Variants in CPEB2 observed in about 807,000 individuals in gnomAD.
The protein encoded by CPEB2 is cytoplasmic polyadenylation element-binding protein 2.
Under a neutral mutation model 93.6 loss-of-function variants are expected in CPEB2, and 56 were observed. The ratio of observed to expected loss-of-function variants is 0.60; its 90% CI spans 0.48 to 0.75. CPEB2 has a LOEUF of 0.75. CPEB2 is among the 30% of genes least tolerant of loss of function. The pLI is 0.00. For synonymous variants in CPEB2, 764 were observed against 586.3 expected (o/e 1.30, Z -4.38); for missense variants, 1,579 against 1,395.1 (o/e 1.13, Z -2.10).
intron 5 of CPEB2, among the ~76,000 whole-genome samples, chr4:15,034,156 G>T (rs1318853392): frequency 6.6e-6 from 1 of 152,180 alleles, no homozygotes; most frequent in Non-Finnish European, 1.5e-5. Flanking sequence ...AGCATTAGAT[G>T]AGGTGATTGA....
intron 5 of CPEB2, among the ~76,000 whole-genome samples, chr4:15,037,550 A>G (rs1726739883): frequency 6.6e-6 from 1 of 152,146 alleles, no homozygotes; most frequent in Admixed American, 6.5e-5. Context: ...TATTAGAATC[A>G]TCCTGTTTTT....
intron 6 of CPEB2, among the ~76,000 whole-genome samples, chr4:15,044,809 C>T (rs1414112326): frequency 1.3e-5 from 2 of 152,298 alleles, no homozygotes; most frequent in Non-Finnish European, 2.9e-5. Context: ...CTCTAACATA[C>T]ATGGATGTGT....
intron 6 of CPEB2, among the ~76,000 whole-genome samples, chr4:15,047,552 T>C (rs1022148055): frequency 7.9e-5 from 12 of 152,160 alleles, no homozygotes; most frequent in African/African-American, 2.7e-4. Context: ...TTTCCCAGTT[T>C]ATTACTAGCA....
chr4:15,051,928 C>T (rs1354448521), intron 6 of CPEB2, among the ~76,000 whole-genome samples: 1 of 152,212 alleles, frequency 6.6e-6, no homozygotes, highest in Non-Finnish European at 1.5e-5. Context: ...GTAATTGGCA[C>T]ACGTGTAATA....
Position 15,066,508 on chromosome 4 carries a change from C to G in CPEB2, c.*128C>G. ...TTTTCACCCCAGCTATCAATACATG[C>G]ATCTTTATCAGCAGCCAAAACACTA... On this transcript the variant is annotated 3_prime_UTR_variant, in exon 12 of 12. Coordinates refer to ENST00000538197, the MANE Select transcript of CPEB2 (RefSeq NM_001177382.2). 1 of 666,086 alleles carries G rather than the reference C, an allele frequency of 1.5e-6. No homozygotes were observed. Among genetic ancestry groups the G allele is most frequent in the South Asian group, 1.9e-5 (1 of 52,948 alleles). 41.3% of individuals were successfully genotyped at this position (666,086 alleles called of 1,614,324 possible).
chr4:15,010,091 A>C lies in CPEB2; in HGVS notation c.2034+1664A>C, dbSNP rs541001241. ...ATGAAGTAAAACACAGTGGTGGGGGAAAAAAGAGATAATGGAAAGTGAATG... is the reference window on the plus strand; with the variant it reads ...ATGAAGTAAAACACAGTGGTGGGGGCAAAAAGAGATAATGGAAAGTGAATG... On this transcript the variant is annotated intron_variant, in intron 3 of 11. Coordinates refer to ENST00000538197, the MANE Select transcript of CPEB2 (RefSeq NM_001177382.2). Among the ~76,000 whole-genome samples, 4 of 152,228 alleles carry C rather than the reference A, an allele frequency of 2.6e-5. 1 individual carries two copies. Among genetic ancestry groups the C allele is most frequent in the African/African-American group, 9.6e-5 (4 of 41,520 alleles).
intron 6 of CPEB2, among the ~76,000 whole-genome samples, chr4:15,046,844 A>T (rs1355371881): frequency 6.6e-6 from 1 of 152,194 alleles, no homozygotes; most frequent in Non-Finnish European, 1.5e-5. Context: ...AATTATTTTC[A>T]TTCACCATTA....
Position 15,067,259 on chromosome 4 carries a change from A to G in CPEB2, c.*879A>G, listed in dbSNP as rs749233360. 6.6e-5 allele frequency: 10 copies of G among 152,522 alleles called. No homozygotes were observed. The highest frequency in any genetic ancestry group is 2.6e-4 in the Admixed American group (4 of 15,250). 9.4% of individuals were successfully genotyped at this position (152,522 alleles called of 1,614,324 possible). A position where few individuals can be genotyped will look rare whatever the true frequency, so the allele number is the denominator to read the frequency against. On this transcript the variant is annotated 3_prime_UTR_variant, in exon 12 of 12. Coordinates refer to ENST00000538197, the MANE Select transcript of CPEB2 (RefSeq NM_001177382.2). ...AATTTGTTTAAAAAAGCAAACTTGC[A>G]TGCATTATTGTGACTTCAAGTTTAA...
chr4:15,040,383 C>A, intron 5 of CPEB2, 81 bp from the exon 6 acceptor site: 2 of 1,347,068 alleles, frequency 1.5e-6, no homozygotes, highest in Non-Finnish European at 2.0e-6. Context: ...GCCCACATAG[C>A]TTTTCGTATC....
rs943094464 is a variant in CPEB2 at position 15,003,632 on chromosome 4, C to G, written c.959C>G (p.Pro320Arg). The change falls in exon 1 of 12, where the codon CCT becomes CGT. Residue 320 changes from proline (P) to arginine (R), a missense_variant. Transcript: ENST00000538197. ...GGCTCCATGGAGTCCCCCAACCACC[C>G]TCTGCTCAACAGTCCCAGTAACCTC... Reference protein sequence around the residue: ...APGSMESPNHPLLNSPSNLLP... With the variant: ...APGSMESPNHRLLNSPSNLLP... 2 of 1,481,828 alleles carry G rather than the reference C, an allele frequency of 1.3e-6. No individual in the cohort carries two copies. The highest frequency in any genetic ancestry group is 5.9e-5 in the East Asian group (2 of 33,972). The allele number at this position is 1,481,828 out of a possible 1,614,324, so 91.8% of individuals were successfully genotyped here.
chr4:15,035,828 A>T (rs1726548322), intron 5 of CPEB2, among the ~76,000 whole-genome samples: 1 of 152,224 alleles, frequency 6.6e-6, no homozygotes, highest in East Asian at 1.9e-4. Context: ...ACAGATACAC[A>T]TTAAAATAAA....
chr4:15,011,870 T>C (rs1250873330), intron 3 of CPEB2, among the ~76,000 whole-genome samples: 2 of 152,162 alleles, frequency 1.3e-5, no homozygotes, highest in Admixed American at 1.3e-4. Flanking sequence ...ATATCAACTC[T>C]CAATTTTTGC....
At chr4:15,034,513 T>TA (rs1389442218) in intron 5 of CPEB2, among the ~76,000 whole-genome samples, 2 of 152,156 alleles carry the variant, frequency 1.3e-5, no homozygotes, top group African/African-American at 4.8e-5. Context: ...CTTTGTGTAT[T>TA]ATGTGAGTAG....
rs555483651 is a variant in CPEB2 at position 15,059,075 on chromosome 4, C to T, written c.2581-112C>T. 2.8e-5 allele frequency: 16 copies of T among 564,930 alleles called. 1 individual carries two copies. The South Asian group carries it at 4.3e-4, about 15-fold the overall frequency. 35.0% of individuals were successfully genotyped at this position (564,930 alleles called of 1,614,324 possible). A position where few individuals can be genotyped will look rare whatever the true frequency, so the allele number is the denominator to read the frequency against. On this transcript the variant is annotated intron_variant, in intron 9 of 11. Transcript: ENST00000538197. ...AAAAATAATTTGTTTCCAGATCCCA[C>T]TATACAAATTTTTAAGCAATAAAAG...
intron 4 of CPEB2, among the ~76,000 whole-genome samples, chr4:15,029,514 T>C (rs1725857084): frequency 6.6e-6 from 1 of 152,118 alleles, no homozygotes; most frequent in South Asian, 2.1e-4. Context: ...GTATACTCTT[T>C]ATTGATATAT....
Position 15,003,408 on chromosome 4 carries a change from G to A in CPEB2, c.735G>A (p.Ser245=). ...GCCTCCTGCATCAGCAGCACCTCTC[G>A]CCGCAGGACTTCGCCCCGCGGCAGC... ...QFSLLHQQHL[S]PQDFAPRQRP... is the part of the protein sequence containing the mutation. Residue 245 remains serine, a synonymous_variant, in exon 1 of 12, where the codon TCG becomes TCA. Transcript: ENST00000538197. The A allele has an allele frequency of 1.5e-6, 2 of 1,359,978 alleles. No individual in the cohort carries two copies. Among genetic ancestry groups the A allele is most frequent in the Admixed American group, 4.0e-5 (1 of 24,696 alleles). The allele number at this position is 1,359,978 out of a possible 1,614,324, so 84.2% of individuals were successfully genotyped here.
chr4:15,053,360 GAAGA>G (rs1159819852), intron 7 of CPEB2, among the ~76,000 whole-genome samples: 3 of 152,070 alleles, frequency 2.0e-5, no homozygotes, highest in Admixed American at 1.3e-4. Context: ...TAGAAACAGG[GAAGA>G]AAGAGGCTAT....
chr4:15,012,614 T>A (rs577160052), intron 3 of CPEB2, among the ~76,000 whole-genome samples: 1 of 152,242 alleles, frequency 6.6e-6, no homozygotes, highest in South Asian at 2.1e-4. Flanking sequence ...CGTCATCTGC[T>A]ACTGAGTATG....
chr4:15,028,669 A>G (rs897341286), intron 4 of CPEB2, among the ~76,000 whole-genome samples: 1 of 152,014 alleles, frequency 6.6e-6, no homozygotes, highest in Non-Finnish European at 1.5e-5. Context: ...CTGTCATGCT[A>G]TCTCTTAAAG....
Sources: gnomAD v4.1 joint callset for allele counts (sites outside exome capture counted in the v4.1 genomes callset) on GRCh38, gnomAD v4.1.1 for gene constraint, MANE v1.5 for transcripts, NCBI Gene and HGNC (gene_info 2026-07-23, HGNC 2026-07-21) for gene names.